Variants in CNTN4 observed in about 807,000 individuals in gnomAD.
The protein encoded by CNTN4 is contactin-4.
A neutral mutation model predicts 122.5 loss-of-function variants in CNTN4; 77 were observed. The ratio of observed to expected loss-of-function variants is 0.63; its 90% CI spans 0.52 to 0.76. CNTN4 has a LOEUF of 0.76. CNTN4 is among the 30% of genes least tolerant of loss of function. CNTN4 has a pLI of 0.00. For missense variants in CNTN4, 1,256 were observed against 1,259.1 expected (o/e 1.00, Z 0.04); for synonymous variants, 512 against 447.0 (o/e 1.15, Z -1.83).
rs1232792342 is a variant in CNTN4 at position 2,709,276 on chromosome 3, G to T, written c.56-26939G>T. ...TGTTTTGTTTTTAAATCTTGAAAGA[G>T]ACCTGAATTTATAATTAGTACAGTG... On this transcript the variant is annotated intron_variant, in intron 4 of 24. Transcript: ENST00000418658. This position sits in a 1 kb window ranked among gnomAD's most constrained non-coding sequence, Gnocchi z 5.0. 1.3e-5 allele frequency among the ~76,000 whole-genome samples: 2 copies of T among 152,130 alleles called. No homozygotes were observed. Among genetic ancestry groups the T allele is most frequent in the Non-Finnish European group, 2.9e-5 (2 of 68,028 alleles).
At chr3:3,004,990 C>T (rs1382175962) in intron 14 of CNTN4, among the ~76,000 whole-genome samples, 1 of 152,248 alleles carries the variant, frequency 6.6e-6, no homozygotes, top group East Asian at 1.9e-4. Flanking sequence ...CCCTGATGAT[C>T]TCTGAATCAC....
chr3:2,419,450 G>T (rs1384054812), intron 3 of CNTN4, among the ~76,000 whole-genome samples: 1 of 152,092 alleles, frequency 6.6e-6, no homozygotes, highest in East Asian at 1.9e-4. Context: ...TTGTTCCTAG[G>T]CAGGGTACAG....
chr3:3,019,372 C>G lies in CNTN4; in HGVS notation c.1487-6730C>G, dbSNP rs190601786. 6.0e-3 allele frequency among the ~76,000 whole-genome samples: 920 copies of G among 152,216 alleles called. 9 individuals are homozygous for G. The highest frequency in any genetic ancestry group is 0.021 in the African/African-American group (855 of 41,534). The stretch of plus-strand genomic sequence containing the variant: ...CAGGCTGGAGTGCATTGGTGCGACA[C>G]TGCAACCTCCACCTCCTGAGTTCAA... On this transcript the variant is annotated intron_variant, in intron 14 of 24. Transcript: ENST00000418658.
intron 12 of CNTN4, among the ~76,000 whole-genome samples, chr3:2,921,818 A>T (rs1577281977): frequency 6.6e-6 from 1 of 152,158 alleles, no homozygotes; most frequent in African/African-American, 2.4e-5. Context: ...ACTAAAGCAA[A>T]AAACTTTTAA....
At chr3:2,995,136 A>AT (rs1319446393) in intron 14 of CNTN4, among the ~76,000 whole-genome samples, 4 of 152,136 alleles carry the variant, frequency 2.6e-5, no homozygotes, top group Admixed American at 6.6e-5. Flanking sequence ...ACATTTCAAT[A>AT]CTAGATCCTG....
At chr3:3,051,042 C>T (rs1244943111) in intron 23 of CNTN4, among the ~76,000 whole-genome samples, 2 of 152,058 alleles carry the variant, frequency 1.3e-5, no homozygotes, top group Non-Finnish European at 2.9e-5. Context: ...CTTAAAACAT[C>T]GTAAGATGTT....
intron 3 of CNTN4, among the ~76,000 whole-genome samples, chr3:2,390,924 A>G (rs2046419549): frequency 6.6e-6 from 1 of 152,170 alleles, no homozygotes; most frequent in Non-Finnish European, 1.5e-5. Flanking sequence ...CTTTCAGAAA[A>G]TATTTTGTTC....
intron 2 of CNTN4, among the ~76,000 whole-genome samples, chr3:2,282,405 A>G (rs1056915494): frequency 3.3e-5 from 5 of 149,504 alleles, no homozygotes; most frequent in Admixed American, 6.6e-5. Flanking sequence ...GAGCAAGCAC[A>G]TAATGTTGTG....
At chr3:2,261,714 T>G (rs1357830499) in intron 2 of CNTN4, among the ~76,000 whole-genome samples, 2 of 152,182 alleles carry the variant, frequency 1.3e-5, no homozygotes, top group African/African-American at 2.4e-5. Flanking sequence ...GTGCTTTCCT[T>G]TAAGTGGAGT....
chr3:2,568,290 G>C (rs1282856201), intron 3 of CNTN4, among the ~76,000 whole-genome samples: 1 of 143,850 alleles, frequency 7.0e-6, no homozygotes, highest in Non-Finnish European at 1.5e-5. Flanking sequence ...GAAGGGTTGA[G>C]GGAAGTTTTG....
At chr3:2,688,338 C>T (rs1408540066) in intron 4 of CNTN4, among the ~76,000 whole-genome samples, 1 of 152,176 alleles carries the variant, frequency 6.6e-6, no homozygotes, top group Non-Finnish European at 1.5e-5. Context: ...CACCACCCTC[C>T]ACCCAAGAAC....
At chr3:2,722,820 A>G (rs1025207209) in intron 4 of CNTN4, among the ~76,000 whole-genome samples, 3 of 152,236 alleles carry the variant, frequency 2.0e-5, no homozygotes, top group African/African-American at 7.2e-5. Context: ...GAAAGGTTAT[A>G]AATCCCCTCT....
chr3:2,350,230 A>C (rs1244351894), intron 3 of CNTN4, among the ~76,000 whole-genome samples: 1 of 152,186 alleles, frequency 6.6e-6, no homozygotes, highest in Non-Finnish European at 1.5e-5. Context: ...GCCAAGTCTT[A>C]GGGAAGTACA....
At chr3:2,958,207 G>A (rs749483751) in intron 13 of CNTN4, among the ~76,000 whole-genome samples, 1 of 152,166 alleles carries the variant, frequency 6.6e-6, no homozygotes, top group African/African-American at 2.4e-5. Context: ...CTCCAATTAA[G>A]AAACACTGGT....
intron 10 of CNTN4, among the ~76,000 whole-genome samples, chr3:2,898,998 TG>T (rs1179019741): frequency 6.6e-6 from 1 of 152,190 alleles, no homozygotes; most frequent in African/African-American, 2.4e-5. Context: ...TCATTCAAGT[TG>T]ATGTTTGTTG....
chr3:2,243,185 T>C (rs2040009202), intron 2 of CNTN4, among the ~76,000 whole-genome samples: 1 of 152,178 alleles, frequency 6.6e-6, no homozygotes, highest in Non-Finnish European at 1.5e-5. Flanking sequence ...TAACTTTCTT[T>C]TGAGACCTAC....
At chr3:2,136,552 C>G (rs1278913071) in intron 2 of CNTN4, among the ~76,000 whole-genome samples, 3 of 152,102 alleles carry the variant, frequency 2.0e-5, no homozygotes, top group South Asian at 4.1e-4. Context: ...GACAAAAATG[C>G]ATAGGCTATC....
chr3:2,666,804 T>C (rs2150338747), intron 4 of CNTN4, among the ~76,000 whole-genome samples: 1 of 142,476 alleles, frequency 7.0e-6, no homozygotes, highest in Middle Eastern at 3.8e-3. Context: ...CCATGTGTTA[T>C]TGTTCAATTC....
chr3:2,220,811 T>A (rs1720157), intron 2 of CNTN4, among the ~76,000 whole-genome samples: 46,041 of 151,908 alleles, frequency 0.3, 7,389 homozygotes, highest in African/African-American at 0.37. Context: ...TGTCTTCATT[T>A]TTAACTTTTT....
Sources: gnomAD v4.1 joint callset for allele counts (sites outside exome capture counted in the v4.1 genomes callset) on GRCh38, gnomAD v4.1.1 for gene constraint, Gnocchi (gnomAD v3.1) non-coding constraint, MANE v1.5 for transcripts, NCBI Gene and HGNC (gene_info 2026-07-23, HGNC 2026-07-21) for gene names.